Variants in FBXO16 observed in about 807,000 individuals in gnomAD.
FBXO16 encodes F-box only protein 16.
A neutral mutation model predicts 41.0 loss-of-function variants in FBXO16; 31 were observed. The observed-to-expected ratio is 0.76, with a 90% CI of 0.57 to 1.02. The LOEUF (loss-of-function observed/expected upper bound fraction) is 1.02. FBXO16 is among the 50% of genes least tolerant of loss of function. The pLI is 0.00. For synonymous variants in FBXO16, 133 were observed against 117.8 expected, an observed-to-expected ratio of 1.13 and a Z score of -0.84; for missense variants, 361 against 346.2, an observed-to-expected ratio of 1.04 and a Z score of -0.34.
At chr8:28,431,856 A>C (rs1244132837) in intron 7 of FBXO16, among the ~76,000 whole-genome samples, 3 of 152,100 alleles carry the variant, frequency 2.0e-5, no homozygotes, top group African/African-American at 7.2e-5. Flanking sequence ...TACATAGCTC[A>C]ATATTCAAAA....
intron 1 of FBXO16, among the ~76,000 whole-genome samples, chr8:28,488,744 TC>T (rs1803642516): frequency 2.0e-5 from 3 of 152,292 alleles, no homozygotes; most frequent in Admixed American, 2.0e-4. Context: ...GACCAGTTGA[TC>T]ATGTCACTTT....
chr8:28,464,361 T>C (rs918698644), intron 3 of FBXO16, among the ~76,000 whole-genome samples: 1 of 152,164 alleles, frequency 6.6e-6, no homozygotes, highest in African/African-American at 2.4e-5. Flanking sequence ...AGAGAGGAAG[T>C]GAATGCCAAA....
At chr8:28,452,516 A>G (rs747235939) in intron 5 of FBXO16, 40 bp from the exon 6 acceptor site, 1 of 1,596,400 alleles carries the variant, frequency 6.3e-7, no homozygotes. Context: ...AAACACTATA[A>G]TACGCTGGGT....
chr8:28,478,778 C>T (rs867758414), intron 2 of FBXO16, among the ~76,000 whole-genome samples: 9 of 148,828 alleles, frequency 6.0e-5, no homozygotes, highest in Middle Eastern at 6.8e-3. Context: ...GCCGAGATCA[C>T]GCCATTGCAC....
chr8:28,481,473 G>A (rs1481859298), intron 2 of FBXO16, among the ~76,000 whole-genome samples: 1 of 152,168 alleles, frequency 6.6e-6, no homozygotes, highest in East Asian at 1.9e-4. Flanking sequence ...TTCTCTGTGT[G>A]CCTCTCACAC....
At chr8:28,443,758 G>T (rs1484492808) in intron 7 of FBXO16, among the ~76,000 whole-genome samples, 1 of 152,054 alleles carries the variant, frequency 6.6e-6, no homozygotes, top group South Asian at 2.1e-4. Context: ...GATAAAACAG[G>T]TTGCAATAAA....
At chr8:28,438,959 G>T (rs1478743008) in intron 7 of FBXO16, among the ~76,000 whole-genome samples, 2 of 151,884 alleles carry the variant, frequency 1.3e-5, no homozygotes, top group African/African-American at 4.8e-5. Context: ...AATCAGCCGG[G>T]CGTGGTGGCA....
chr8:28,433,391 C>T (rs944233264), intron 7 of FBXO16, among the ~76,000 whole-genome samples: 10 of 152,216 alleles, frequency 6.6e-5, no homozygotes, highest in African/African-American at 2.4e-4. Context: ...TTTCTGTTGC[C>T]CTGCTGTTCC....
intron 7 of FBXO16, among the ~76,000 whole-genome samples, chr8:28,432,472 T>TCAAAACAAAA (rs375316920): frequency 2.0e-5 from 3 of 151,114 alleles, no homozygotes; most frequent in African/African-American, 7.3e-5. Context: ...AGACTCCATC[T>TCAAAACAAAA]CAAAACAAAA....
intron 7 of FBXO16, among the ~76,000 whole-genome samples, chr8:28,441,947 T>TGTGTGTGTA (rs1491261277): frequency 9.4e-5 from 8 of 85,030 alleles, no homozygotes; most frequent in African/African-American, 2.9e-4. Context: ...TGTGTGTGTA[T>TGTGTGTGTA]TTTTTTTTTT....
chr8:28,476,063 G>T (rs980718239), intron 2 of FBXO16, among the ~76,000 whole-genome samples: 2 of 152,092 alleles, frequency 1.3e-5, no homozygotes, highest in Non-Finnish European at 2.9e-5. Context: ...CCCATGCTTT[G>T]GTCTGACTAC....
At chr8:28,458,290 T>G (rs1443008045) in intron 4 of FBXO16, among the ~76,000 whole-genome samples, 1 of 151,926 alleles carries the variant, frequency 6.6e-6, no homozygotes, top group Admixed American at 6.6e-5. Context: ...GAGGAAAGAG[T>G]AGGGCACAAT....
chr8:28,462,776 A>G (rs1803158719), intron 4 of FBXO16, among the ~76,000 whole-genome samples: 1 of 152,174 alleles, frequency 6.6e-6, no homozygotes, highest in Non-Finnish European at 1.5e-5. Flanking sequence ...CAGAACAATC[A>G]TCTCCTTTTC....
chr8:28,480,791 C>T (rs150662745), intron 2 of FBXO16, among the ~76,000 whole-genome samples: 7 of 152,312 alleles, frequency 4.6e-5, no homozygotes, highest in African/African-American at 1.4e-4. Context: ...AAGTGTGAGC[C>T]ACTGTGCCTA....
chr8:28,463,330 G>A (rs1803172896), intron 4 of FBXO16, among the ~76,000 whole-genome samples: 1 of 151,810 alleles, frequency 6.6e-6, no homozygotes, highest in East Asian at 1.9e-4. Flanking sequence ...ATGTGTATGT[G>A]TGTTTGTGTG....
intron 7 of FBXO16, among the ~76,000 whole-genome samples, chr8:28,434,236 C>T (rs1802653726): frequency 6.6e-6 from 1 of 152,196 alleles, no homozygotes; most frequent in Non-Finnish European, 1.5e-5. Context: ...GCTGGGATTA[C>T]AGGTGTGAAC....
chr8:28,429,532 GGA>G lies in FBXO16; in HGVS notation c.844-131_844-130del, dbSNP rs770048348. 6.9e-4 allele frequency: 701 copies of G among 1,010,338 alleles called. 1 individual carries two copies. Among genetic ancestry groups the G allele is most frequent in the Non-Finnish European group, 8.2e-4 (550 of 667,380 alleles). 62.6% of individuals were successfully genotyped at this position (1,010,338 alleles called of 1,614,324 possible). A position where few individuals can be genotyped will look rare whatever the true frequency, so the allele number is the denominator to read the frequency against. ...CCTTATCTTGGTTCCAACTGTGCAA[GGA>G]GAGACCTAAGAGGATTGGGCTGAAC... On this transcript the variant is annotated intron_variant, in intron 7 of 8. Coordinates refer to ENST00000380254, the MANE Select transcript of FBXO16 (RefSeq NM_172366.4).
At chr8:28,488,213 CTTGACA>C (rs1489044022) in intron 1 of FBXO16, among the ~76,000 whole-genome samples, 2 of 149,668 alleles carry the variant, frequency 1.3e-5, no homozygotes, top group Non-Finnish European at 3.0e-5. Flanking sequence ...GACCCTAGTT[CTTGACA>C]TATGGTTCTA....
intron 4 of FBXO16, among the ~76,000 whole-genome samples, chr8:28,463,204 G>C (rs895204113): frequency 1.3e-5 from 2 of 150,900 alleles, no homozygotes; most frequent in Non-Finnish European, 2.9e-5. Context: ...TTGTGTATGT[G>C]TTTGTGTGTT....
Sources: allele counts gnomAD v4.1 joint callset (sites outside exome capture counted in the v4.1 genomes callset), GRCh38; gene constraint gnomAD v4.1.1; transcripts MANE v1.5; gene names NCBI Gene and HGNC (gene_info 2026-07-23, HGNC 2026-07-21).